The following KTN1 variants were observed in gnomAD, a reference collection of about 807,000 sequenced individuals.
The protein encoded by KTN1 is kinectin 1.
Under a neutral mutation model 222.5 loss-of-function variants are expected in KTN1, and 130 were observed. The observed-to-expected ratio is 0.58, with a 90% CI of 0.51 to 0.68. The LOEUF (loss-of-function observed/expected upper bound fraction) is 0.68, where lower values mean the gene tolerates loss of function less well. Among genes scored for constraint, KTN1 ranks in the 30% least tolerant of loss-of-function variants. KTN1 has a pLI of 0.00. For missense variants in KTN1, 1,508 were observed against 1,500.4 expected (o/e 1.01, Z -0.08); for synonymous variants, 512 against 496.3 (o/e 1.03, Z -0.42).
At position 55,633,298 on chromosome 14, in the gene KTN1, C is replaced by T; in HGVS notation, c.1285C>T (p.Leu429=). 2 of 1,595,142 alleles carry T rather than the reference C, an allele frequency of 1.3e-6. No individual in the cohort carries two copies. The highest frequency in any genetic ancestry group is 1.7e-6 in the Non-Finnish European group (2 of 1,170,768). Reference sequence around the variant, plus strand: ...TCACTTGAAGCAGGAAAATGGTATACTGAGAGATGCAGTCAGCAACACTAC... The same window carrying T: ...TCACTTGAAGCAGGAAAATGGTATATTGAGAGATGCAGTCAGCAACACTAC... ...IAHLKQENGI[L]RDAVSNTTNQ... is the part of the protein sequence containing the mutation. The change falls in exon 8 of 44, where the codon CTG becomes TTG. Residue 429 remains leucine, a synonymous_variant. Coordinates refer to ENST00000395314, the MANE Select transcript of KTN1 (RefSeq NM_001079521.2).
intron 31 of KTN1, among the ~76,000 whole-genome samples, chr14:55,660,312 G>A (rs779495300): frequency 6.7e-6 from 1 of 150,206 alleles, no homozygotes; most frequent in South Asian, 2.1e-4. Flanking sequence ...CAGGAAGTTC[G>A]CACCATTGCA....
At chr14:55,657,266 A>G (rs2043579850) in intron 29 of KTN1, among the ~76,000 whole-genome samples, 1 of 152,316 alleles carries the variant, frequency 6.6e-6, no homozygotes. Flanking sequence ...TTGATATTAT[A>G]CTTGAAAGAT....
chr14:55,673,127 G>A lies in KTN1; in HGVS notation c.3688-45G>A. 7 of 1,520,776 alleles carry A rather than the reference G, an allele frequency of 4.6e-6. No individual in the cohort carries two copies. The Middle Eastern group carries it at 5.1e-4, about 111-fold the overall frequency. 94.2% of individuals were successfully genotyped at this position (1,520,776 alleles called of 1,614,324 possible). Reference sequence around the variant, plus strand: ...GCTTCCGAGTAGCATACAAAACATGGGCTATCATAAGGAGATCAATCTTAA... The same window carrying A: ...GCTTCCGAGTAGCATACAAAACATGAGCTATCATAAGGAGATCAATCTTAA... On this transcript the variant is annotated intron_variant, in intron 39 of 43. Transcript: ENST00000395314.
intron 16 of KTN1, 34 bp from the exon 17 acceptor site, chr14:55,641,093 T>C (rs1179431296): frequency 6.7e-7 from 1 of 1,503,562 alleles, no homozygotes; most frequent in African/African-American, 1.4e-5. Flanking sequence ...TCTGAATGTA[T>C]GAAGTATTTT....
chr14:55,659,149 A>AT (rs2141202289), intron 30 of KTN1, among the ~76,000 whole-genome samples: 1 of 152,296 alleles, frequency 6.6e-6, no homozygotes, highest in South Asian at 2.1e-4. Flanking sequence ...TGAGAAACAA[A>AT]TGAATTGGAG....
At chr14:55,677,562 A>G (rs921505014) in intron 41 of KTN1, among the ~76,000 whole-genome samples, 1 of 152,140 alleles carries the variant, frequency 6.6e-6, no homozygotes, top group African/African-American at 2.4e-5. Flanking sequence ...CACTTATGTA[A>G]TATTTTCTAT....
chr14:55,658,487 T>G, intron 29 of KTN1, 59 bp from the exon 30 acceptor site: 1 of 987,784 alleles, frequency 1.0e-6, no homozygotes, highest in Non-Finnish European at 1.6e-6. Flanking sequence ...GCTTGTATGA[T>G]CTAAGTTTAT....
Position 55,653,077 on chromosome 14 carries a change from T to G in KTN1, c.2755T>G (p.Leu919Val). ...AHVQEVAQHN[L>V]KEASSASQFE... ...TGTTCAGGAAGTAGCACAACATAACTTGAAAGAGGTATAGTATAAACAAAT... is the reference window on the plus strand; with the variant it reads ...TGTTCAGGAAGTAGCACAACATAACGTGAAAGAGGTATAGTATAAACAAAT... Residue 919 changes from leucine to valine, a missense_variant, in exon 27 of 44, where the codon TTG (leucine) becomes GTG (valine). Transcript: ENST00000395314. 6.3e-7 allele frequency: 1 copy of G among 1,581,242 alleles called. No homozygotes were observed. Among genetic ancestry groups the G allele is most frequent in the Non-Finnish European group, 8.7e-7 (1 of 1,151,358 alleles).
chr14:55,669,722 G>C (rs2045277058), intron 34 of KTN1, among the ~76,000 whole-genome samples: 1 of 151,858 alleles, frequency 6.6e-6, no homozygotes, highest in East Asian at 1.9e-4. Context: ...TGTACATTTA[G>C]TCTTGGTTCA....
Position 55,640,308 on chromosome 14 carries a change from AGAT to A in KTN1, c.1915-64_1915-62del, listed in dbSNP as rs2041637939. 3.7e-5 allele frequency: 41 copies of A among 1,115,086 alleles called. No individual in the cohort carries two copies. The South Asian group carries it at 5.8e-4, about 16-fold the overall frequency. The allele number at this position is 1,115,086 out of a possible 1,614,324, so 69.1% of individuals were successfully genotyped here. A position where few individuals can be genotyped will look rare whatever the true frequency, so the allele number is the denominator to read the frequency against. ...CATTTGCTTAACTCTTTTGTAGAAAAGATGCTTTACAAACTTTAAAATCAGTTG... is the reference window on the plus strand; with the variant it reads ...CATTTGCTTAACTCTTTTGTAGAAAAGCTTTACAAACTTTAAAATCAGTTG... On this transcript the variant is annotated intron_variant, in intron 14 of 43. Coordinates refer to ENST00000395314, the MANE Select transcript of KTN1 (RefSeq NM_001079521.2).
rs879029626 is a variant in KTN1 at position 55,684,186 on chromosome 14, C to T, written c.*83C>T. On this transcript the variant is annotated 3_prime_UTR_variant, in exon 44 of 44. Coordinates refer to ENST00000395314, the MANE Select transcript of KTN1 (RefSeq NM_001079521.2). ...AATTAAAGCCTTATTTATGTTTTCA[C>T]CCTTTCTACTTTGTCAGAAACACTG... 1 of 1,066,518 alleles carries T rather than the reference C, an allele frequency of 9.4e-7. No individual in the cohort carries two copies. The highest frequency in any genetic ancestry group is 1.5e-5 in the South Asian group (1 of 67,744). The allele number at this position is 1,066,518 out of a possible 1,614,324, so 66.1% of individuals were successfully genotyped here. A position where few individuals can be genotyped will look rare whatever the true frequency, so the allele number is the denominator to read the frequency against.
chr14:55,663,082 T>G, intron 32 of KTN1: 4 of 419,130 alleles, frequency 9.5e-6, no homozygotes, highest in South Asian at 3.4e-5. Flanking sequence ...GGTTTCCCTA[T>G]CTATAGAATG....
At chr14:55,619,817 A>G (rs764965791) in intron 5 of KTN1, among the ~76,000 whole-genome samples, 3 of 152,148 alleles carry the variant, frequency 2.0e-5, no homozygotes, top group Non-Finnish European at 4.4e-5. Context: ...CAGCCAAACC[A>G]TAACATTCCA....
intron 1 of KTN1, among the ~76,000 whole-genome samples, chr14:55,602,855 C>CA (rs1214593663): frequency 6.6e-6 from 1 of 152,176 alleles, no homozygotes; most frequent in Non-Finnish European, 1.5e-5. Flanking sequence ...GCTAGGATTA[C>CA]AGGCATGAGC....
At chr14:55,663,733 C>T in intron 32 of KTN1, 3 of 427,638 alleles carry the variant, frequency 7.0e-6, no homozygotes, top group South Asian at 3.8e-5. Flanking sequence ...AAAAGCTGGC[C>T]TATTTGATAT....
At position 55,639,237 on chromosome 14, in the gene KTN1, T is replaced by C. The variant is rs1247890678; in HGVS notation, c.1823+15T>C. ...TTACATAAAGTGTAAGCCTACCTTT[T>C]CACACTCTTATAATTGTGTAGTCAC... On this transcript the variant is annotated intron_variant, in intron 13 of 43. Coordinates refer to ENST00000395314, the MANE Select transcript of KTN1 (RefSeq NM_001079521.2). The C allele has an allele frequency of 1.3e-6, 2 of 1,584,886 alleles. No individual in the cohort carries two copies. Among genetic ancestry groups the C allele is most frequent in the South Asian group, 1.1e-5 (1 of 90,210 alleles).
chr14:55,628,019 G>A lies in KTN1; in HGVS notation c.1071G>A (p.Gln357=), dbSNP rs1332228106. 1.3e-6 allele frequency: 2 copies of A among 1,599,184 alleles called. No homozygotes were observed. The highest frequency in any genetic ancestry group is 1.1e-5 in the South Asian group (1 of 90,702). The change falls in exon 6 of 44, where the codon CAG becomes CAA. Residue 357 remains glutamine, a synonymous_variant. Coordinates refer to ENST00000395314, the MANE Select transcript of KTN1 (RefSeq NM_001079521.2). ...DAAATKDRCK[Q]LTQEMMTEKE... The stretch of plus-strand genomic sequence containing the variant: ...CTGCTACAAAGGATCGGTGTAAGCA[G>A]TTAACCCAGGTGAAGACATTCTTAT...
chr14:55,621,407 C>G (rs1022310063), intron 5 of KTN1, among the ~76,000 whole-genome samples: 1 of 152,186 alleles, frequency 6.6e-6, no homozygotes, highest in Middle Eastern at 3.4e-3. Context: ...TCTATTTTCA[C>G]GTTGCTGATA....
chr14:55,630,236 G>A, intron 7 of KTN1, 139 bp downstream of exon 7: 3 of 717,958 alleles, frequency 4.2e-6, no homozygotes, highest in East Asian at 2.8e-5. Context: ...TGCGTCCTAA[G>A]TAAAACAACT....
Sources: gnomAD v4.1 joint callset for allele counts (sites outside exome capture counted in the v4.1 genomes callset) on GRCh38, gnomAD v4.1.1 for gene constraint, MANE v1.5 for transcripts, NCBI Gene and HGNC (gene_info 2026-07-23, HGNC 2026-07-21) for gene names.